Variants in AUH observed in about 807,000 individuals in gnomAD.
AUH encodes the protein methylglutaconyl-CoA hydratase, mitochondrial.
AUH carries 29 observed loss-of-function variants against 42.3 expected under a neutral mutation model. That is an observed-to-expected ratio of 0.69 (90% CI 0.51 to 0.93). The LOEUF (loss-of-function observed/expected upper bound fraction) is 0.93, where lower values mean the gene tolerates loss of function less well. Ranked by LOEUF, AUH falls within the 40% of genes least tolerant of loss-of-function variation. AUH has a pLI of 0.00. For missense variants in AUH, 452 were observed against 438.1 expected (o/e 1.03, Z -0.28); for synonymous variants, 174 against 166.4 (o/e 1.05, Z -0.35).
intron 6 of AUH, among the ~76,000 whole-genome samples, chr9:91,235,930 G>C (rs1237048109): frequency 6.6e-6 from 1 of 152,202 alleles, no homozygotes; most frequent in African/African-American, 2.4e-5. Flanking sequence ...TGGCACAGCA[G>C]AAAGACAGCA....
At position 91,225,844 on chromosome 9, in the gene AUH, T is replaced by G. The variant is rs1223136859; in HGVS notation, c.656-4852A>C. Among the ~76,000 whole-genome samples the G allele has an allele frequency of 2.6e-5, 4 of 152,126 alleles. No individual in the cohort carries two copies. The South Asian group carries it at 8.3e-4, about 32-fold the overall frequency. ...TGGGATAGTTTACTGAGAATGACGATTTCCAATTTCATCCATGTCCCTAAA... is the reference window on the plus strand; with the variant it reads ...TGGGATAGTTTACTGAGAATGACGAGTTCCAATTTCATCCATGTCCCTAAA... On this transcript the variant is annotated intron_variant, in intron 6 of 9. Transcript: ENST00000375731.
rs920436949 is a variant in AUH at position 91,283,553 on chromosome 9, T to C, written c.655+12468A>G. Among the ~76,000 whole-genome samples the C allele has an allele frequency of 7.2e-5, 11 of 152,274 alleles. No homozygotes were observed. In the East Asian group the frequency reaches 9.7e-4, roughly 13 times the overall value. On this transcript the variant is annotated intron_variant, in intron 6 of 9. Transcript: ENST00000375731. ...GTTTGCAGATGATATGATTGCATAT[T>C]TAGAAAACCCCATTGTCTCAGCCCA...
rs59102669 is a variant in AUH at position 91,249,292 on chromosome 9, CAAAAAAAAAAAAA to C, written c.656-28313_656-28301del. ...TGCCTGGGCGACAGAGAACCTGTCT[CAAAAAAAAAAAAA>C]AAAAAAAAAAAAAAAAAAGAACACA... On this transcript the variant is annotated intron_variant, in intron 6 of 9. Coordinates refer to ENST00000375731, the MANE Select transcript of AUH (RefSeq NM_001698.3). Among the ~76,000 whole-genome samples the C allele has an allele frequency of 4.9e-3, 158 of 32,542 alleles. 3 individuals are homozygous for C. The East Asian group carries it at 0.074, about 15-fold the overall frequency. The allele number at this position is 32,542 out of a possible 152,430, so 21.3% of individuals were successfully genotyped here.
At chr9:91,217,206 T>C in intron 8 of AUH, 71 bp downstream of exon 8, 8 of 1,481,432 alleles carry the variant, frequency 5.4e-6, no homozygotes, top group African/African-American at 1.4e-5. Flanking sequence ...TGTAGAAGTC[T>C]AAACATGGTT....
intron 6 of AUH, chr9:91,294,777 A>C (rs1461103316): frequency 6.6e-6 from 3 of 455,440 alleles, no homozygotes; most frequent in African/African-American, 2.0e-5. Context: ...GAGGGATTCA[A>C]GACTTCAGTG....
intron 7 of AUH, chr9:91,218,999 T>C (rs2131203577): frequency 1.0e-6 from 1 of 985,440 alleles, no homozygotes. Context: ...TCTGAAGGAG[T>C]GTCCTTCCAA....
chr9:91,225,646 A>G (rs1827406884), intron 6 of AUH, among the ~76,000 whole-genome samples: 1 of 151,072 alleles, frequency 6.6e-6, no homozygotes, highest in South Asian at 2.1e-4. Flanking sequence ...GGTGTGCTGC[A>G]CCCACTAACT....
chr9:91,265,839 C>G (rs140926234), intron 6 of AUH, among the ~76,000 whole-genome samples: 11 of 152,150 alleles, frequency 7.2e-5, no homozygotes, highest in Non-Finnish European at 1.3e-4. Flanking sequence ...CTTTTCAACC[C>G]GTCTCATCTG....
Position 91,303,907 on chromosome 9 carries a change from G to C in AUH, c.506-5831C>G, listed in dbSNP as rs1257721079. On this transcript the variant is annotated intron_variant, in intron 4 of 9. Transcript: ENST00000375731. ...AAATCACAATAACAAAACAAGCCCTGAGTGAGGCCTGCAGGCTGGCTGGGC... is the reference window on the plus strand; with the variant it reads ...AAATCACAATAACAAAACAAGCCCTCAGTGAGGCCTGCAGGCTGGCTGGGC... Among the ~76,000 whole-genome samples the C allele has an allele frequency of 2.0e-5, 3 of 152,238 alleles. No individual in the cohort carries two copies. In the East Asian group the frequency reaches 5.8e-4, roughly 29 times the overall value.
intron 6 of AUH, among the ~76,000 whole-genome samples, chr9:91,261,132 G>A (rs1829687418): frequency 6.6e-6 from 1 of 151,880 alleles, no homozygotes; most frequent in Non-Finnish European, 1.5e-5. Context: ...TCTGCTCCTG[G>A]GTCGTATTTT....
At chr9:91,252,699 T>C (rs1436783791) in intron 6 of AUH, among the ~76,000 whole-genome samples, 1 of 152,224 alleles carries the variant, frequency 6.6e-6, no homozygotes, top group Non-Finnish European at 1.5e-5. Context: ...AGTGCAACAC[T>C]ACTAAGGTAT....
At chr9:91,226,893 T>G (rs1427045540) in intron 6 of AUH, among the ~76,000 whole-genome samples, 3 of 132,296 alleles carry the variant, frequency 2.3e-5, no homozygotes, top group Non-Finnish European at 4.8e-5. Context: ...AGGGCTCTGT[T>G]CTGTTCCATT....
At chr9:91,301,853 T>C (rs886738004) in intron 4 of AUH, among the ~76,000 whole-genome samples, 1 of 152,204 alleles carries the variant, frequency 6.6e-6, no homozygotes, top group Non-Finnish European at 1.5e-5. Flanking sequence ...ATACTAATTC[T>C]CATATTATTA....
At chr9:91,328,651 C>T (rs1198148085) in intron 3 of AUH, among the ~76,000 whole-genome samples, 1 of 152,068 alleles carries the variant, frequency 6.6e-6, no homozygotes, top group African/African-American at 2.4e-5. Flanking sequence ...GAACTACCAA[C>T]AAGAGAGCCC....
chr9:91,306,550 G>A (rs1180360006), intron 4 of AUH: 1 of 198,352 alleles, frequency 5.0e-6, no homozygotes, highest in African/African-American at 2.4e-5. Flanking sequence ...TTAGAGTATG[G>A]TTTGTAGAAC....
At chr9:91,264,594 G>C (rs1017033529) in intron 6 of AUH, among the ~76,000 whole-genome samples, 1 of 152,054 alleles carries the variant, frequency 6.6e-6, no homozygotes, top group Non-Finnish European at 1.5e-5. Context: ...TGTTTTCCTG[G>C]AGTACATACT....
At chr9:91,257,118 A>G (rs1829444438) in intron 6 of AUH, among the ~76,000 whole-genome samples, 1 of 152,134 alleles carries the variant, frequency 6.6e-6, no homozygotes, top group Non-Finnish European at 1.5e-5. Context: ...GGCCATCTCC[A>G]AGCTATATGG....
At chr9:91,295,945 T>C in intron 6 of AUH, 76 bp downstream of exon 6, 7 of 1,518,390 alleles carry the variant, frequency 4.6e-6, no homozygotes, top group African/African-American at 1.4e-5. Context: ...GCCTTTCCAA[T>C]TAACATGATT....
intron 3 of AUH, among the ~76,000 whole-genome samples, chr9:91,340,030 G>A (rs1378831318): frequency 2.0e-5 from 3 of 152,170 alleles, no homozygotes; most frequent in Non-Finnish European, 4.4e-5. Context: ...CTAATGCTTA[G>A]GCTGAACAGT....
Sources: gnomAD v4.1 joint callset for allele counts (sites outside exome capture counted in the v4.1 genomes callset) on GRCh38, gnomAD v4.1.1 for gene constraint, MANE v1.5 for transcripts, NCBI Gene and HGNC (gene_info 2026-07-23, HGNC 2026-07-21) for gene names.